SGCD: variants seen among roughly 807,000 people sequenced by gnomAD.
SGCD encodes delta-sarcoglycan.
Under a neutral mutation model 36.6 loss-of-function variants are expected in SGCD, and 18 were observed. That is an observed-to-expected ratio of 0.49 (90% CI 0.34 to 0.73). The LOEUF is 0.73. Ranked by LOEUF, SGCD falls within the 30% of genes least tolerant of loss-of-function variation. The pLI is 0.01. For synonymous variants in SGCD, 133 were observed against 130.6 expected, an observed-to-expected ratio of 1.02 and a Z score of -0.12; for missense variants, 387 against 346.7, an observed-to-expected ratio of 1.12 and a Z score of -0.92.
chr5:156,125,350 G>A (rs1291965031), intron 3 of SGCD, among the ~76,000 whole-genome samples: 1 of 152,028 alleles, frequency 6.6e-6, no homozygotes, highest in Non-Finnish European at 1.5e-5. Flanking sequence ...CAGGCCTGCT[G>A]TCATTTTATT....
At chr5:156,273,176 T>A (rs1395880709) in intron 3 of SGCD, among the ~76,000 whole-genome samples, 1 of 152,180 alleles carries the variant, frequency 6.6e-6, no homozygotes, top group Non-Finnish European at 1.5e-5. Context: ...TTGCTTCTTT[T>A]TACCCCCACA....
chr5:156,504,447 A>G (rs1002118978), intron 3 of SGCD, among the ~76,000 whole-genome samples: 1 of 146,566 alleles, frequency 6.8e-6, no homozygotes, highest in East Asian at 2.0e-4. Flanking sequence ...TATATATTAA[A>G]CAGTTATTTT....
At chr5:156,108,165 C>T (rs760940359) in intron 1 of SGCD, among the ~76,000 whole-genome samples, 4 of 152,042 alleles carry the variant, frequency 2.6e-5, no homozygotes, top group Non-Finnish European at 1.5e-5. Flanking sequence ...TGCCAGAAAA[C>T]CAGAGTAAAC....
chr5:156,172,300 AC>A (rs1763364034), intron 3 of SGCD, among the ~76,000 whole-genome samples: 1 of 152,144 alleles, frequency 6.6e-6, no homozygotes, highest in Non-Finnish European at 1.5e-5. Flanking sequence ...AAAAACAAAA[AC>A]AAACAAACAA....
chr5:155,843,816 C>A, the SGCD span, among the ~76,000 whole-genome samples: 1 of 152,180 alleles, frequency 6.6e-6, no homozygotes, highest in South Asian at 2.1e-4. Context: ...CCCCCAGTGG[C>A]TGCCTAGTTC....
chr5:156,375,326 G>A (rs1000075987), intron 3 of SGCD, among the ~76,000 whole-genome samples: 1 of 149,948 alleles, frequency 6.7e-6, no homozygotes, highest in Non-Finnish European at 1.5e-5. Flanking sequence ...TAAAATTGCT[G>A]TAATTCTATT....
In SGCD at chr5:155,885,516, A is replaced by G. The variant is rs1755978417; in HGVS notation, c.-282+15092A>G. 5.6e-5 allele frequency among the ~76,000 whole-genome samples: 3 copies of G among 53,890 alleles called. 1 individual carries two copies. In the South Asian group the frequency reaches 1.3e-3, roughly 23 times the overall value. The allele number at this position is 53,890 out of a possible 152,430, so 35.4% of individuals were successfully genotyped here. The stretch of plus-strand genomic sequence containing the variant: ...TACAGTCTTGTGCTTTTGCAAATGT[A>G]TTATGAACAGAATGCTTATTTTTCA... On this transcript the variant is annotated intron_variant, in intron 1 of 9. Transcript: ENST00000517913.
the SGCD span, among the ~76,000 whole-genome samples, chr5:155,803,806 C>A: frequency 8.5e-5 from 13 of 152,120 alleles, no homozygotes; most frequent in Admixed American, 8.5e-4. Context: ...TTCGTTCCTT[C>A]AGTGATGGAG....
Position 156,297,418 on chromosome 5 carries a change from G to C in SGCD, c.-43-32116G>C, listed in dbSNP as rs187191055. Among the ~76,000 whole-genome samples the C allele has an allele frequency of 2.9e-4, 44 of 152,106 alleles. No individual in the cohort carries two copies. The East Asian group carries it at 8.1e-3, about 28-fold the overall frequency. On this transcript the variant is annotated intron_variant, in intron 3 of 9. Coordinates refer to the SGCD transcript ENST00000517913. ...GTCCATCTATGATAGACTGGATTGA[G>C]AAAATGTGGCACATATACACCATGG... is the stretch of plus-strand genomic sequence containing the variant.
chr5:155,739,052 G>T, the SGCD span, among the ~76,000 whole-genome samples: 2 of 152,144 alleles, frequency 1.3e-5, no homozygotes, highest in African/African-American at 2.4e-5. Flanking sequence ...ATGTTTTCAA[G>T]AATTCAGTTT....
At chr5:156,331,426 G>A (rs1473544511) in intron 2 of SGCD, among the ~76,000 whole-genome samples, 4 of 152,204 alleles carry the variant, frequency 2.6e-5, no homozygotes, top group African/African-American at 9.7e-5. Flanking sequence ...AGAAAGCTTT[G>A]TTGGTGGTTG....
intron 6 of SGCD, among the ~76,000 whole-genome samples, chr5:156,638,189 A>C (rs1296735004): frequency 1.3e-5 from 2 of 151,470 alleles, no homozygotes; most frequent in Non-Finnish European, 2.9e-5. Flanking sequence ...GATTGCTGTC[A>C]CACTGTGAGA....
At chr5:156,225,933 T>G in intron 3 of SGCD, among the ~76,000 whole-genome samples, 1 of 152,152 alleles carries the variant, frequency 6.6e-6, no homozygotes, top group East Asian at 1.9e-4. Context: ...ATGCATGATT[T>G]TTATATTTAT....
rs1757608817 is a variant in SGCD at position 156,767,225 on chromosome 5, A to G, written c.*7835A>G. 2 of 152,192 alleles carry G rather than the reference A, an allele frequency of 1.3e-5. No individual in the cohort carries two copies. Among genetic ancestry groups the G allele is most frequent in the African/African-American group, 4.8e-5 (2 of 41,448 alleles). The allele number at this position is 152,192 out of a possible 1,614,324, so 9.4% of individuals were successfully genotyped here. A position where few individuals can be genotyped will look rare whatever the true frequency, so the allele number is the denominator to read the frequency against. ...GTGTCGGCACATCTAAATTTAGTGA[A>G]CACAAAATTAATTTTTATCTAGTCT... On this transcript the variant is annotated 3_prime_UTR_variant, in exon 9 of 9. Transcript: ENST00000337851.
chr5:156,608,309 G>A (rs1407895815), intron 6 of SGCD, among the ~76,000 whole-genome samples: 4 of 152,192 alleles, frequency 2.6e-5, no homozygotes, highest in African/African-American at 9.7e-5. Context: ...GTACCCAGTA[G>A]TCATTCAGGA....
chr5:156,336,124 A>G (rs777885818), intron 2 of SGCD, among the ~76,000 whole-genome samples: 7 of 152,078 alleles, frequency 4.6e-5, no homozygotes, highest in Non-Finnish European at 8.8e-5. Flanking sequence ...CTAATTTTCA[A>G]ACATTCTCCT....
chr5:156,011,623 A>G (rs1407060822), intron 1 of SGCD, among the ~76,000 whole-genome samples: 2 of 152,052 alleles, frequency 1.3e-5, no homozygotes, highest in Non-Finnish European at 2.9e-5. Flanking sequence ...TATTTTTAGT[A>G]AAGACAGGGT....
chr5:156,264,198 A>G (rs1307176334), intron 3 of SGCD, among the ~76,000 whole-genome samples: 1 of 152,160 alleles, frequency 6.6e-6, no homozygotes, highest in Non-Finnish European at 1.5e-5. Context: ...AGAATTTTCC[A>G]GAAATAAAGT....
chr5:156,751,004 A>G (rs184046666), intron 7 of SGCD, among the ~76,000 whole-genome samples: 27 of 152,328 alleles, frequency 1.8e-4, no homozygotes, highest in Admixed American at 1.4e-3. Context: ...GAATTTCCTT[A>G]TGAAACTTAA....
Sources: gnomAD v4.1 joint callset for allele counts (sites outside exome capture counted in the v4.1 genomes callset) on GRCh38, gnomAD v4.1.1 for gene constraint, MANE v1.5 for transcripts, NCBI Gene and HGNC (gene_info 2026-07-23, HGNC 2026-07-21) for gene names.